Variants in FAM120A observed in about 807,000 individuals in gnomAD.
FAM120A encodes the protein family with sequence similarity 120 member A, also known as constitutive coactivator of PPAR-gamma-like protein 1.
Under a neutral mutation model 109.7 loss-of-function variants are expected in FAM120A, and 15 were observed. That is an observed-to-expected ratio of 0.14 (90% confidence interval 0.09 to 0.21). The LOEUF (loss-of-function observed/expected upper bound fraction) is 0.21. FAM120A is among the 10% of genes least tolerant of loss of function. FAM120A has a pLI of 1.00. For synonymous variants in FAM120A, 493 were observed against 572.8 expected, an observed-to-expected ratio of 0.86 and a Z score of 1.99; for missense variants, 899 against 1,439.3, an observed-to-expected ratio of 0.62 and a Z score of 6.07.
chr9:93,496,629 G>A (rs1339562292), intron 3 of FAM120A, among the ~76,000 whole-genome samples: 5 of 152,150 alleles, frequency 3.3e-5, no homozygotes, highest in Non-Finnish European at 7.3e-5. Flanking sequence ...TGATTCCCTT[G>A]GGCTTGTCTG....
At chr9:93,505,050 T>TG (rs1399308413) in intron 5 of FAM120A, among the ~76,000 whole-genome samples, 2 of 122,014 alleles carry the variant, frequency 1.6e-5, no homozygotes, top group Non-Finnish European at 3.4e-5. Flanking sequence ...TGTTCGCTTG[T>TG]GTTTTTTTTT....
At chr9:93,524,033 C>T (rs1304611720) in intron 7 of FAM120A, among the ~76,000 whole-genome samples, 1 of 152,246 alleles carries the variant, frequency 6.6e-6, no homozygotes. Context: ...TGTTGCCCTG[C>T]ACCAGCAGGG....
At chr9:93,480,366 A>G (rs1858746053) in intron 3 of FAM120A, among the ~76,000 whole-genome samples, 1 of 152,132 alleles carries the variant, frequency 6.6e-6, no homozygotes, top group African/African-American at 2.4e-5. Context: ...TGCTGTTGGG[A>G]TTCCTTGCTG....
Position 93,552,031 on chromosome 9 carries a change from G to A in FAM120A, c.2274+1340G>A, listed in dbSNP as rs573082030. On this transcript the variant is annotated intron_variant, in intron 12 of 17. Coordinates refer to ENST00000277165, the MANE Select transcript of FAM120A (RefSeq NM_014612.5). ...CACCACCGTCTTCGTCACAGATTGT[G>A]CTTCAGGGGGTTGGAGATACTTTTG... Among the ~76,000 whole-genome samples the A allele has an allele frequency of 5.2e-4, 79 of 152,268 alleles. 1 individual carries two copies. The South Asian group carries it at 0.014, about 27-fold the overall frequency.
At chr9:93,489,462 C>G (rs1189624020) in intron 3 of FAM120A, among the ~76,000 whole-genome samples, 1 of 152,206 alleles carries the variant, frequency 6.6e-6, no homozygotes, top group African/African-American at 2.4e-5. Context: ...CCTGTCACTG[C>G]ACGATGGAGC....
At chr9:93,488,205 G>GC (rs936227346) in intron 3 of FAM120A, among the ~76,000 whole-genome samples, 1 of 152,108 alleles carries the variant, frequency 6.6e-6, no homozygotes, top group Non-Finnish European at 1.5e-5. Context: ...GAACAGATCT[G>GC]CCCCATGTTC....
chr9:93,525,041 CT>C (rs879807081), intron 7 of FAM120A, among the ~76,000 whole-genome samples: 133 of 144,946 alleles, frequency 9.2e-4, no homozygotes, highest in Non-Finnish European at 1.0e-3. Context: ...TTGTCATATT[CT>C]TTTTTTTTTT....
chr9:93,499,863 C>T (rs185462204), intron 5 of FAM120A, among the ~76,000 whole-genome samples: 2 of 152,354 alleles, frequency 1.3e-5, no homozygotes, highest in East Asian at 3.9e-4. Context: ...TTGAAAGTGG[C>T]CTTAAGAGCT....
At chr9:93,462,881 C>T (rs1857857293) in intron 1 of FAM120A, among the ~76,000 whole-genome samples, 1 of 152,186 alleles carries the variant, frequency 6.6e-6, no homozygotes, top group African/African-American at 2.4e-5. Flanking sequence ...CCTTAAGGCT[C>T]AATAACATTC....
Position 93,451,869 on chromosome 9 carries a change from C to A in FAM120A, c.-47C>A. The stretch of plus-strand genomic sequence containing the variant: ...CGCGCCACGGCCCCACCACCCCCGG[C>A]CCCGCCGCCCCCCGCCCGCACCCGC... On this transcript the variant is annotated 5_prime_UTR_variant, in exon 1 of 18. Transcript: ENST00000277165. The A allele has an allele frequency of 1.8e-6, 2 of 1,100,536 alleles. No individual in the cohort carries two copies. Among genetic ancestry groups the A allele is most frequent in the Non-Finnish European group, 2.2e-6 (2 of 902,344 alleles). The allele number at this position is 1,100,536 out of a possible 1,614,324, so 68.2% of individuals were successfully genotyped here.
intron 15 of FAM120A, 124 bp from the exon 16 acceptor site, chr9:93,560,985 A>C (rs1862445575): frequency 9.7e-7 from 1 of 1,035,544 alleles, no homozygotes; most frequent in Admixed American, 2.3e-5. Context: ...TGTACAAAAC[A>C]GGAGAAAGTA....
At chr9:93,464,799 C>A (rs1388335185) in intron 1 of FAM120A, among the ~76,000 whole-genome samples, 1 of 152,180 alleles carries the variant, frequency 6.6e-6, no homozygotes, top group East Asian at 1.9e-4. Flanking sequence ...ATGACTTTAC[C>A]CCCTTTGAAG....
chr9:93,474,645 G>T (rs920805559), intron 2 of FAM120A, among the ~76,000 whole-genome samples: 1 of 152,102 alleles, frequency 6.6e-6, no homozygotes, highest in African/African-American at 2.4e-5. Context: ...CCAGGCTGGA[G>T]TGCAGTGGCA....
In FAM120A at chr9:93,561,224, G is replaced by A. The variant is rs780962565; in HGVS notation, c.2922G>A (p.Val974=). The A allele has an allele frequency of 1.9e-6, 3 of 1,612,746 alleles. No individual in the cohort carries two copies. The highest frequency in any genetic ancestry group is 2.2e-5 in the South Asian group (2 of 90,850). The part of the protein sequence containing the change: ...RGGRGPFPLQ[V]VSVGGPARGR... ...GCCGGGGGCCTTTCCCCCTGCAGGT[G>A]GTTTCTGTCGGAGGACCAGCTAGAG... The change falls in exon 16 of 18, where the codon GTG becomes GTA. Residue 974 remains valine (V), a synonymous_variant. Transcript: ENST00000277165.
In FAM120A at chr9:93,556,553, C is replaced by G; in HGVS notation, c.2446C>G (p.Arg816Gly). 1 of 1,614,138 alleles carries G rather than the reference C, an allele frequency of 6.2e-7. No homozygotes were observed. Among genetic ancestry groups the G allele is most frequent in the Non-Finnish European group, 8.5e-7 (1 of 1,180,008 alleles). Residue 816 changes from arginine (R) to glycine (G), a missense_variant, in exon 13 of 18, where the codon CGG (arginine) becomes GGG (glycine). By Grantham distance (125) the Arg-to-Gly change is moderately radical. Coordinates refer to ENST00000277165, the MANE Select transcript of FAM120A (RefSeq NM_014612.5). ...CCAATCCAAACTCCTCAAAGCCAGC[C>G]GGGAAAAGACCCCACTCATTGACCT... ...LFQSKLLKAS[R>G]EKTPLIDLCD...
At chr9:93,482,183 C>A (rs1233064129) in intron 3 of FAM120A, among the ~76,000 whole-genome samples, 3 of 116,906 alleles carry the variant, frequency 2.6e-5, no homozygotes, top group African/African-American at 7.8e-5. Flanking sequence ...GATTCACCTC[C>A]ATTTTTTTTT....
chr9:93,469,589 A>G (rs1858217654), intron 1 of FAM120A, among the ~76,000 whole-genome samples: 2 of 152,236 alleles, frequency 1.3e-5, no homozygotes, highest in Admixed American at 1.3e-4. Flanking sequence ...CATTTCTAGA[A>G]GTGAGAGGAT....
chr9:93,564,093 G>A, intron 17 of FAM120A, 136 bp from the exon 18 acceptor site: 1 of 825,360 alleles, frequency 1.2e-6, no homozygotes. Context: ...TCAAAGCAAA[G>A]ACAGGGTTAG....
intron 3 of FAM120A, among the ~76,000 whole-genome samples, chr9:93,476,918 G>A (rs1398240672): frequency 1.3e-5 from 2 of 152,194 alleles, no homozygotes; most frequent in African/African-American, 2.4e-5. Context: ...TGCAGTGGAA[G>A]TGTCTGTGTT....
Sources: gnomAD v4.1 joint callset for allele counts (sites outside exome capture counted in the v4.1 genomes callset) on GRCh38, gnomAD v4.1.1 for gene constraint, MANE v1.5 for transcripts, NCBI Gene and HGNC (gene_info 2026-07-23, HGNC 2026-07-21) for gene names.